Variants in CNTNAP2 observed in about 807,000 individuals in gnomAD.
CNTNAP2 encodes contactin-associated protein-like 2.
In CNTNAP2, 98 loss-of-function variants were observed where a neutral mutation model predicts 155.2. The observed-to-expected ratio is 0.63, with a 90% CI of 0.54 to 0.75. The LOEUF is 0.75. Ranked by LOEUF, CNTNAP2 falls within the 30% of genes least tolerant of loss-of-function variation. The pLI is 0.00. For missense variants in CNTNAP2, 1,727 were observed against 1,688.1 expected, an observed-to-expected ratio of 1.02 and a Z score of -0.40; for synonymous variants, 651 against 631.2, an observed-to-expected ratio of 1.03 and a Z score of -0.47.
At chr7:146,635,875 A>C (rs368854199) in intron 1 of CNTNAP2, among the ~76,000 whole-genome samples, 35 of 152,118 alleles carry the variant, frequency 2.3e-4, no homozygotes, top group South Asian at 1.0e-3. Flanking sequence ...CTCTGCTAAG[A>C]GCACCGAAAT....
chr7:146,695,807 C>A (rs1183426518), intron 1 of CNTNAP2, among the ~76,000 whole-genome samples: 1 of 152,054 alleles, frequency 6.6e-6, no homozygotes, highest in Non-Finnish European at 1.5e-5. Flanking sequence ...TGTTGAATGG[C>A]TAAATAGCTA....
intron 14 of CNTNAP2, among the ~76,000 whole-genome samples, chr7:147,912,886 G>A (rs917476209): frequency 1.3e-5 from 2 of 152,202 alleles, no homozygotes; most frequent in African/African-American, 4.8e-5. Flanking sequence ...ACAAAGGTGT[G>A]CGTCAATCAC....
chr7:147,727,802 T>A (rs1796669303), intron 13 of CNTNAP2, among the ~76,000 whole-genome samples: 1 of 146,758 alleles, frequency 6.8e-6, no homozygotes, highest in Admixed American at 7.0e-5. Context: ...CCCTACCAAA[T>A]AAATCAACAT....
At chr7:147,192,368 A>G (rs1802698261) in intron 8 of CNTNAP2, among the ~76,000 whole-genome samples, 1 of 152,054 alleles carries the variant, frequency 6.6e-6, no homozygotes, top group Non-Finnish European at 1.5e-5. Context: ...CATATCACTG[A>G]AATTTTACCC....
chr7:146,523,599 TA>T (rs943770946), intron 1 of CNTNAP2, among the ~76,000 whole-genome samples: 57 of 152,104 alleles, frequency 3.7e-4, no homozygotes, highest in African/African-American at 1.4e-3. Flanking sequence ...GTGCACCATT[TA>T]AAAAATAAGG....
chr7:147,251,029 C>T (rs1044044153), intron 8 of CNTNAP2, among the ~76,000 whole-genome samples: 1 of 152,172 alleles, frequency 6.6e-6, no homozygotes, highest in East Asian at 1.9e-4. Context: ...AAGACTCCAT[C>T]TTACATTTTA....
At chr7:147,268,510 G>A (rs1202755492) in intron 8 of CNTNAP2, among the ~76,000 whole-genome samples, 2 of 152,122 alleles carry the variant, frequency 1.3e-5, no homozygotes, top group African/African-American at 4.8e-5. Flanking sequence ...GGGGCCTGTT[G>A]CAGGGTGTGG....
chr7:147,872,230 T>C (rs1357279787), intron 13 of CNTNAP2, among the ~76,000 whole-genome samples: 1 of 152,216 alleles, frequency 6.6e-6, no homozygotes, highest in African/African-American at 2.4e-5. Context: ...TTGGGACTAT[T>C]TATCAGTTGA....
At chr7:147,007,325 TTTC>T (rs1332717562) in intron 3 of CNTNAP2, among the ~76,000 whole-genome samples, 1 of 152,042 alleles carries the variant, frequency 6.6e-6, no homozygotes, top group Non-Finnish European at 1.5e-5. Context: ...GAGCATAAAT[TTTC>T]TTTTTGCATT....
At chr7:148,119,692 G>A (rs1177461309) in intron 16 of CNTNAP2, among the ~76,000 whole-genome samples, 1 of 152,144 alleles carries the variant, frequency 6.6e-6, no homozygotes, top group South Asian at 2.1e-4. Flanking sequence ...ACACCGTCAG[G>A]TAAATTGCTC....
intron 14 of CNTNAP2, among the ~76,000 whole-genome samples, chr7:147,943,096 A>G (rs1800755866): frequency 6.6e-6 from 1 of 151,970 alleles, no homozygotes; most frequent in Admixed American, 6.6e-5. Flanking sequence ...CTTCCCCTGA[A>G]TTTTGTCATA....
chr7:146,280,336 T>C (rs1039907361), intron 1 of CNTNAP2, among the ~76,000 whole-genome samples: 1 of 152,188 alleles, frequency 6.6e-6, no homozygotes, highest in East Asian at 1.9e-4. Context: ...TGATACGAAC[T>C]TTTATTTTCT....
At chr7:146,476,281 A>C (rs539353787) in intron 1 of CNTNAP2, among the ~76,000 whole-genome samples, 4 of 152,272 alleles carry the variant, frequency 2.6e-5, no homozygotes, top group African/African-American at 7.2e-5. Flanking sequence ...TATTCACCCA[A>C]AGAATCTTGT....
At chr7:146,499,141 C>A (rs1306024334) in intron 1 of CNTNAP2, among the ~76,000 whole-genome samples, 2 of 152,192 alleles carry the variant, frequency 1.3e-5, no homozygotes, top group African/African-American at 4.8e-5. Flanking sequence ...TGTATATATA[C>A]AAGCTGCAAT....
rs535355949 is a variant in CNTNAP2 at position 147,645,234 on chromosome 7, A to G, written c.2098+5928A>G. Among the ~76,000 whole-genome samples, 155 of 152,302 alleles carry G rather than the reference A, an allele frequency of 1.0e-3. 1 individual carries two copies. Among genetic ancestry groups the G allele is most frequent in the Non-Finnish European group, 1.7e-3 (117 of 68,022 alleles). On this transcript the variant is annotated intron_variant, in intron 13 of 23. Coordinates refer to ENST00000361727, the MANE Select transcript of CNTNAP2 (RefSeq NM_014141.6). ...GAAAACATGACTCTGGCATTGTAACATATAATCTATTTTTAGCAAGAAATT... is the reference window on the plus strand; with the variant it reads ...GAAAACATGACTCTGGCATTGTAACGTATAATCTATTTTTAGCAAGAAATT...
At chr7:148,389,066 T>TCAGA (rs1230072098) in intron 22 of CNTNAP2, among the ~76,000 whole-genome samples, 1 of 152,184 alleles carries the variant, frequency 6.6e-6, no homozygotes, top group African/African-American at 2.4e-5. Flanking sequence ...TTTTCAAAGC[T>TCAGA]CAGATGGAAA....
intron 13 of CNTNAP2, among the ~76,000 whole-genome samples, chr7:147,874,219 G>A (rs1799383156): frequency 1.3e-5 from 2 of 152,202 alleles, no homozygotes; most frequent in South Asian, 4.1e-4. Context: ...GTGCCCCAGT[G>A]GGAACTCTGT....
At chr7:148,182,236 C>T (rs978319269) in intron 18 of CNTNAP2, among the ~76,000 whole-genome samples, 3 of 152,182 alleles carry the variant, frequency 2.0e-5, no homozygotes, top group Non-Finnish European at 2.9e-5. Context: ...CACATATTAG[C>T]TCCATGACTT....
chr7:148,143,540 G>T (rs1805116120), intron 16 of CNTNAP2, among the ~76,000 whole-genome samples: 1 of 152,140 alleles, frequency 6.6e-6, no homozygotes, highest in Admixed American at 6.5e-5. Flanking sequence ...TTATCTAGGT[G>T]TGGTGGTGTA....
Sources: gnomAD v4.1 joint callset for allele counts (sites outside exome capture counted in the v4.1 genomes callset) on GRCh38, gnomAD v4.1.1 for gene constraint, MANE v1.5 for transcripts, NCBI Gene and HGNC (gene_info 2026-07-23, HGNC 2026-07-21) for gene names.